The following XPNPEP3 variants were observed in gnomAD, a reference collection of about 807,000 sequenced individuals.
XPNPEP3 encodes the protein xaa-Pro aminopeptidase 3.
Under a neutral mutation model 60.0 loss-of-function variants are expected in XPNPEP3, and 41 were observed. The ratio of observed to expected loss-of-function variants is 0.68; its 90% CI spans 0.53 to 0.89. The LOEUF (loss-of-function observed/expected upper bound fraction) is 0.89, where lower values mean the gene tolerates loss of function less well. Among genes scored for constraint, XPNPEP3 ranks in the 40% least tolerant of loss-of-function variants. The probability of loss-of-function intolerance (pLI) is 0.00; values close to 1 mark genes in which losing one functional copy is unlikely to be tolerated. For synonymous variants in XPNPEP3, 212 were observed against 223.2 expected, an observed-to-expected ratio of 0.95 and a Z score of 0.45; for missense variants, 598 against 638.9, an observed-to-expected ratio of 0.94 and a Z score of 0.69.
rs561474326 is a variant in XPNPEP3 at position 40,922,850 on chromosome 22, A to G, written c.1236+337A>G. 3.6e-3 allele frequency among the ~76,000 whole-genome samples: 545 copies of G among 152,322 alleles called. 5 individuals are homozygous for G. The highest frequency in any genetic ancestry group is 0.017 in the Middle Eastern group (5 of 294). On this transcript the variant is annotated intron_variant, in intron 8 of 9. Transcript: ENST00000357137. ...ATCATCTTTGTGATCTATAAAAGGG[A>G]TTTAGCTTTAACATGGATTAAAACA...
intron 4 of XPNPEP3, among the ~76,000 whole-genome samples, chr22:40,900,088 A>G (rs910362450): frequency 2.0e-5 from 3 of 151,690 alleles, no homozygotes; most frequent in African/African-American, 7.3e-5. Flanking sequence ...ATACATAAAT[A>G]AAATGGATCA....
At chr22:40,918,531 G>C (rs771488874) in intron 7 of XPNPEP3, among the ~76,000 whole-genome samples, 11 of 151,570 alleles carry the variant, frequency 7.3e-5, no homozygotes, top group African/African-American at 1.2e-4. Context: ...CACACACACA[G>C]AAATCAGCTG....
intron 2 of XPNPEP3, among the ~76,000 whole-genome samples, chr22:40,872,952 C>T (rs893811574): frequency 6.6e-6 from 1 of 152,018 alleles, no homozygotes; most frequent in African/African-American, 2.4e-5. Flanking sequence ...AAAATTTTTA[C>T]ATTCTTAAAA....
chr22:40,867,476 T>C (rs753682816), intron 1 of XPNPEP3, among the ~76,000 whole-genome samples: 2 of 152,146 alleles, frequency 1.3e-5, no homozygotes, highest in Non-Finnish European at 2.9e-5. Context: ...GAAGATTGTT[T>C]AGAAAAATCA....
At chr22:40,885,922 C>T (rs1013096070) in intron 3 of XPNPEP3, among the ~76,000 whole-genome samples, 22 of 152,106 alleles carry the variant, frequency 1.4e-4, no homozygotes, top group African/African-American at 5.3e-4. Context: ...GCGGAGGTTG[C>T]AGTGAGCTGA....
In XPNPEP3 at chr22:40,886,591, C is replaced by T. The variant is rs560278510; in HGVS notation, c.792+76C>T. ...CTGTAATCCAAGCACTTTGGGAGGC[C>T]GAGGCAGGTGGATCATGAGGTCAGG... On this transcript the variant is annotated intron_variant, in intron 4 of 9. Transcript: ENST00000357137. 9.5e-5 allele frequency: 132 copies of T among 1,389,698 alleles called. No individual in the cohort carries two copies. In the South Asian group the frequency reaches 1.4e-3, roughly 15 times the overall value. 86.1% of individuals were successfully genotyped at this position (1,389,698 alleles called of 1,614,324 possible).
chr22:40,867,366 A>G (rs974626463), intron 1 of XPNPEP3, among the ~76,000 whole-genome samples: 3 of 152,120 alleles, frequency 2.0e-5, no homozygotes, highest in Non-Finnish European at 4.4e-5. Flanking sequence ...ATACTGTACA[A>G]TCTCCTTGTG....
intron 9 of XPNPEP3, among the ~76,000 whole-genome samples, chr22:40,924,811 G>A (rs778399123): frequency 3.9e-5 from 6 of 152,144 alleles, no homozygotes; most frequent in Admixed American, 1.3e-4. Context: ...GTGAGCTACC[G>A]CGCCCAGCCA....
intron 4 of XPNPEP3, among the ~76,000 whole-genome samples, chr22:40,900,776 A>G (rs776581587): frequency 9.2e-5 from 14 of 151,942 alleles, no homozygotes; most frequent in Non-Finnish European, 1.9e-4. Context: ...GAAAAATACA[A>G]AAATAAGTTA....
chr22:40,871,541 C>T (rs781685609), intron 2 of XPNPEP3, among the ~76,000 whole-genome samples: 2 of 152,030 alleles, frequency 1.3e-5, no homozygotes, highest in African/African-American at 4.8e-5. Context: ...TCTATACATA[C>T]AGAAAAAGAG....
chr22:40,913,683 T>C (rs1024466527), intron 6 of XPNPEP3, among the ~76,000 whole-genome samples: 26 of 152,100 alleles, frequency 1.7e-4, no homozygotes, highest in African/African-American at 6.3e-4. Context: ...CCAAAGCCTA[T>C]ACACTGAAAC....
At chr22:40,869,939 C>G (rs2057997252) in intron 2 of XPNPEP3, 1 of 431,752 alleles carries the variant, frequency 2.3e-6, no homozygotes, top group Admixed American at 2.6e-5. Context: ...ATATATATTA[C>G]TAATGGAAAT....
At chr22:40,879,415 T>A (rs1052355185) in intron 2 of XPNPEP3, among the ~76,000 whole-genome samples, 1 of 152,156 alleles carries the variant, frequency 6.6e-6, no homozygotes, top group Non-Finnish European at 1.5e-5. Flanking sequence ...GTAAAACAAT[T>A]AGATCCTAGG....
chr22:40,857,529 G>C (rs2057909148), intron 1 of XPNPEP3, among the ~76,000 whole-genome samples: 1 of 152,250 alleles, frequency 6.6e-6, no homozygotes, highest in African/African-American at 2.4e-5. Flanking sequence ...CCGAAGTTGT[G>C]GCAATTATCA....
intron 4 of XPNPEP3, among the ~76,000 whole-genome samples, chr22:40,894,185 A>G (rs531195848): frequency 1.3e-5 from 2 of 152,242 alleles, no homozygotes; most frequent in African/African-American, 2.4e-5. Context: ...CAACACAGCA[A>G]GACTCCGTTT....
chr22:40,931,165 A>G lies in XPNPEP3; in HGVS notation c.*4730A>G, dbSNP rs1439353210. 1 of 152,256 alleles carries G rather than the reference A, an allele frequency of 6.6e-6. No homozygotes were observed. Among genetic ancestry groups the G allele is most frequent in the South Asian group, 2.1e-4 (1 of 4,820 alleles). The allele number at this position is 152,256 out of a possible 1,614,324, so 9.4% of individuals were successfully genotyped here. On this transcript the variant is annotated 3_prime_UTR_variant, in exon 10 of 10. Coordinates refer to ENST00000357137, the MANE Select transcript of XPNPEP3 (RefSeq NM_022098.4). ...CCCAGCCGAGCCTTTAGTTCTAAGT[A>G]TAATAAATAATATATATACCAGGCA...
rs749723802 is a variant in XPNPEP3 at position 40,886,468 on chromosome 22, C to T, written c.745C>T (p.Pro249Ser). 19 of 1,614,092 alleles carry T rather than the reference C, an allele frequency of 1.2e-5. No homozygotes were observed. The South Asian group carries it at 1.9e-4, about 16-fold the overall frequency. Residue 249 changes from proline (P) to serine (S), a missense_variant, in exon 4 of 10, where the codon CCT becomes TCT. Transcript: ENST00000357137. Reference sequence around the variant, plus strand: ...ACAGCGCCTCCGGCTGATCAAGTCTCCTGCAGAAATTGAACGAATGCAGAT... The same window carrying T: ...ACAGCGCCTCCGGCTGATCAAGTCTTCTGCAGAAATTGAACGAATGCAGAT... ...LIQRLRLIKSPAEIERMQIAG... is the reference protein window; with the variant it reads ...LIQRLRLIKSSAEIERMQIAG...
At chr22:40,879,257 C>G (rs2058038467) in intron 2 of XPNPEP3, among the ~76,000 whole-genome samples, 1 of 152,160 alleles carries the variant, frequency 6.6e-6, no homozygotes, top group South Asian at 2.1e-4. Context: ...CGTAAGGCCT[C>G]CACTTATCAC....
At chr22:40,913,126 G>A (rs1328654403) in intron 6 of XPNPEP3, among the ~76,000 whole-genome samples, 1 of 152,120 alleles carries the variant, frequency 6.6e-6, no homozygotes, top group Non-Finnish European at 1.5e-5. Flanking sequence ...GAAAGTTAGA[G>A]ATATACTTAA....
Sources: gnomAD v4.1 joint callset for allele counts (sites outside exome capture counted in the v4.1 genomes callset) on GRCh38, gnomAD v4.1.1 for gene constraint, MANE v1.5 for transcripts, NCBI Gene and HGNC (gene_info 2026-07-23, HGNC 2026-07-21) for gene names.